ANKS1B: variants seen among roughly 807,000 people sequenced by gnomAD.
ANKS1B encodes ankyrin repeat and sterile alpha motif domain containing 1B, also known as ankyrin repeat and sterile alpha motif domain-containing protein 1B.
ANKS1B carries 36 observed loss-of-function variants against 148.3 expected under a neutral mutation model. That is an observed-to-expected ratio of 0.24 (90% CI 0.19 to 0.32). The LOEUF is 0.32. Among genes scored for constraint, ANKS1B ranks in the 10% least tolerant of loss-of-function variants. The probability of loss-of-function intolerance (pLI) is 1.00; values close to 1 mark genes in which losing one functional copy is unlikely to be tolerated. For missense variants in ANKS1B, 1,157 were observed against 1,542.6 expected, an observed-to-expected ratio of 0.75 and a Z score of 4.19; for synonymous variants, 542 against 560.8, an observed-to-expected ratio of 0.97 and a Z score of 0.47.
rs181740529 is a variant in ANKS1B, at chr12:99,692,035, G to C, written c.1129-36825C>G. Among the ~76,000 whole-genome samples, 4 of 152,320 alleles carry C rather than the reference G, an allele frequency of 2.6e-5. No homozygotes were observed. In the East Asian group the frequency reaches 7.7e-4, roughly 29 times the overall value. ...AATTGTTAGGAGATTAGGTTGGCGA[G>C]ATAGATGAGAGTCAAATTCTGTGAA... On this transcript the variant is annotated intron_variant, in intron 8 of 26. Transcript: ENST00000683438.
intron 9 of ANKS1B, among the ~76,000 whole-genome samples, chr12:99,526,143 C>T (rs1024868745): frequency 6.6e-6 from 1 of 152,060 alleles, no homozygotes. Context: ...GTAGATAATA[C>T]ACAGTGTTAG....
At chr12:99,353,829 C>T (rs2091702895) in intron 12 of ANKS1B, among the ~76,000 whole-genome samples, 1 of 152,020 alleles carries the variant, frequency 6.6e-6, no homozygotes, top group African/African-American at 2.4e-5. Flanking sequence ...GATGTACTCA[C>T]ATTTTTCTCT....
At chr12:99,421,920 A>G (rs2095097835) in intron 11 of ANKS1B, among the ~76,000 whole-genome samples, 1 of 151,954 alleles carries the variant, frequency 6.6e-6, no homozygotes, top group Non-Finnish European at 1.5e-5. Flanking sequence ...GCACCTCCCC[A>G]CCAACCCCAC....
At chr12:99,781,800 G>A (rs1310240759) in intron 5 of ANKS1B, among the ~76,000 whole-genome samples, 2 of 152,086 alleles carry the variant, frequency 1.3e-5, no homozygotes, top group African/African-American at 2.4e-5. Flanking sequence ...TAACAAAGAG[G>A]TTTGTACTTA....
At chr12:98,794,758 T>C in intron 22 of ANKS1B, 1 of 1,130,040 alleles carries the variant, frequency 8.8e-7, no homozygotes, top group Non-Finnish European at 1.3e-6. Flanking sequence ...AAACTACTGA[T>C]GCAATGAAGA....
At chr12:99,946,186 A>G (rs2095056544) in intron 1 of ANKS1B, among the ~76,000 whole-genome samples, 1 of 152,198 alleles carries the variant, frequency 6.6e-6, no homozygotes, top group Non-Finnish European at 1.5e-5. Context: ...GAGTGGGGAA[A>G]GGAGGAGGAG....
At chr12:99,291,402 T>C (rs2079955381) in intron 12 of ANKS1B, among the ~76,000 whole-genome samples, 1 of 152,052 alleles carries the variant, frequency 6.6e-6, no homozygotes, top group Non-Finnish European at 1.5e-5. Context: ...TTCCTAAAAT[T>C]ATATGGAACC....
chr12:99,708,186 G>C (rs1053458809), intron 8 of ANKS1B, among the ~76,000 whole-genome samples: 4 of 152,130 alleles, frequency 2.6e-5, no homozygotes, highest in South Asian at 2.1e-4. Flanking sequence ...AGACTATTTT[G>C]TGACAAAGTT....
chr12:99,294,302 A>G (rs184694415), intron 12 of ANKS1B, among the ~76,000 whole-genome samples: 5 of 152,378 alleles, frequency 3.3e-5, no homozygotes, highest in African/African-American at 1.2e-4. Context: ...AAATGGATAA[A>G]GAAAATGTGG....
chr12:98,895,316 C>G (rs1190003021), intron 17 of ANKS1B: 1 of 985,288 alleles, frequency 1.0e-6, no homozygotes, highest in Non-Finnish European at 1.2e-6. Context: ...TCCGCCGCCC[C>G]CTCCGCGCAC....
chr12:99,021,071 A>G (rs1016483053), intron 17 of ANKS1B, among the ~76,000 whole-genome samples: 5 of 152,074 alleles, frequency 3.3e-5, no homozygotes, highest in African/African-American at 7.2e-5. Context: ...CAACTCTCTG[A>G]GTCATATAAT....
chr12:99,914,194 A>G (rs561296870), intron 1 of ANKS1B, among the ~76,000 whole-genome samples: 1 of 152,224 alleles, frequency 6.6e-6, no homozygotes, highest in African/African-American at 2.4e-5. Context: ...TAATAGAAAT[A>G]GCACTAGAAA....
At chr12:99,111,423 C>G (rs2060258794) in intron 15 of ANKS1B, among the ~76,000 whole-genome samples, 1 of 152,100 alleles carries the variant, frequency 6.6e-6, no homozygotes, top group Non-Finnish European at 1.5e-5. Context: ...TCATAGCTTT[C>G]TATTTTGGCT....
At chr12:99,236,866 G>T (rs1224397413) in intron 14 of ANKS1B, among the ~76,000 whole-genome samples, 1 of 152,104 alleles carries the variant, frequency 6.6e-6, no homozygotes, top group African/African-American at 2.4e-5. Context: ...ACCAAATTCT[G>T]CATGTTCTCA....
chr12:98,768,451 A>G (rs1220232539), intron 25 of ANKS1B, among the ~76,000 whole-genome samples: 1 of 149,986 alleles, frequency 6.7e-6, no homozygotes, highest in Non-Finnish European at 1.5e-5. Flanking sequence ...AAAAAAAAAA[A>G]AGGCCGGGCA....
chr12:99,453,506 C>A (rs1425363242), intron 10 of ANKS1B, among the ~76,000 whole-genome samples: 1 of 152,078 alleles, frequency 6.6e-6, no homozygotes, highest in Non-Finnish European at 1.5e-5. Context: ...CCACCAGAAA[C>A]TGAACCTTGT....
intron 14 of ANKS1B, among the ~76,000 whole-genome samples, chr12:99,214,071 C>T (rs746355940): frequency 6.6e-6 from 1 of 151,614 alleles, no homozygotes; most frequent in Non-Finnish European, 1.5e-5. Context: ...AAATTTGAAC[C>T]AATTTACATT....
intron 8 of ANKS1B, among the ~76,000 whole-genome samples, chr12:99,767,397 C>T (rs973825908): frequency 1.3e-5 from 2 of 151,164 alleles, no homozygotes; most frequent in African/African-American, 2.4e-5. Context: ...TGTTCTATTA[C>T]AAATGTTTAA....
rs2093797316 is a variant in ANKS1B at position 99,906,783 on chromosome 12, T to G, written c.134+77321A>C. Among the ~76,000 whole-genome samples, 3 of 152,244 alleles carry G rather than the reference T, an allele frequency of 2.0e-5. No homozygotes were observed. In the South Asian group the frequency reaches 6.2e-4, roughly 31 times the overall value. On this transcript the variant is annotated intron_variant, in intron 1 of 26. Transcript: ENST00000683438. ...TTTTCTCCTTCATATGCTTCTTTATTCTATCTCTGCCTTCCATTCAACAAA... is the reference window on the plus strand; with the variant it reads ...TTTTCTCCTTCATATGCTTCTTTATGCTATCTCTGCCTTCCATTCAACAAA...
Sources: allele counts gnomAD v4.1 joint callset (sites outside exome capture counted in the v4.1 genomes callset), GRCh38; gene constraint gnomAD v4.1.1; transcripts MANE v1.5; gene names NCBI Gene and HGNC (gene_info 2026-07-23, HGNC 2026-07-21).